ZGRF1: variants seen among roughly 807,000 people sequenced by gnomAD.
ZGRF1 encodes the protein 5'-3' DNA helicase ZGRF1.
In ZGRF1, 196 loss-of-function variants were observed where a neutral mutation model predicts 203.5. The observed-to-expected ratio is 0.96, with a 90% confidence interval of 0.86 to 1.08. The LOEUF is 1.08. Ranked by LOEUF, ZGRF1 falls within the 50% of genes least tolerant of loss-of-function variation. The pLI is 0.00. For missense variants in ZGRF1, 2,326 were observed against 2,416.3 expected (o/e 0.96, Z 0.78); for synonymous variants, 809 against 841.3 (o/e 0.96, Z 0.66).
intron 17 of ZGRF1, 29 bp from the exon 18 acceptor site, chr4:112,562,514 T>C: frequency 1.5e-6 from 2 of 1,332,330 alleles, no homozygotes; most frequent in Non-Finnish European, 2.1e-6. Flanking sequence ...AAATAAACAT[T>C]TGATGTAAAT....
At chr4:112,595,103 C>G (rs748898704) in intron 10 of ZGRF1, among the ~76,000 whole-genome samples, 1 of 151,930 alleles carries the variant, frequency 6.6e-6, no homozygotes, top group East Asian at 2.0e-4. Flanking sequence ...TCTTATGACT[C>G]ACATTTTTTT....
chr4:112,575,441 G>A (rs949840777), intron 16 of ZGRF1, among the ~76,000 whole-genome samples: 1 of 152,120 alleles, frequency 6.6e-6, no homozygotes, highest in Admixed American at 6.5e-5. Context: ...AGGACAGTGG[G>A]TGCAGTGCAC....
At chr4:112,603,046 C>T (rs1318808483) in intron 10 of ZGRF1, among the ~76,000 whole-genome samples, 1 of 151,636 alleles carries the variant, frequency 6.6e-6, no homozygotes, top group Admixed American at 6.6e-5. Flanking sequence ...ATGTATTATG[C>T]TTTGACAAAA....
At chr4:112,570,875 C>G (rs1312057627) in intron 16 of ZGRF1, among the ~76,000 whole-genome samples, 1 of 152,118 alleles carries the variant, frequency 6.6e-6, no homozygotes, top group East Asian at 1.9e-4. Context: ...AGCCCAGGCA[C>G]GCAGATCACT....
intron 2 of ZGRF1, among the ~76,000 whole-genome samples, chr4:112,632,496 T>C (rs1021340836): frequency 6.6e-6 from 1 of 152,210 alleles, no homozygotes; most frequent in African/African-American, 2.4e-5. Flanking sequence ...CATGATGCTG[T>C]CTTTTCATCC....
chr4:112,549,428 A>G (rs1337770995), intron 22 of ZGRF1, among the ~76,000 whole-genome samples: 1 of 152,236 alleles, frequency 6.6e-6, no homozygotes, highest in Non-Finnish European at 1.5e-5. Context: ...GTATAAACAC[A>G]AACACATACA....
At chr4:112,628,792 G>T (rs768590077) in intron 3 of ZGRF1, 1 of 440,302 alleles carries the variant, frequency 2.3e-6, no homozygotes, top group East Asian at 7.0e-5. Context: ...CAACACAAAG[G>T]ATATGCAGAA....
At chr4:112,626,791 TTTA>T (rs771071521) in intron 3 of ZGRF1, among the ~76,000 whole-genome samples, 5 of 151,992 alleles carry the variant, frequency 3.3e-5, no homozygotes, top group Non-Finnish European at 5.9e-5. Context: ...TTCAAATTTA[TTTA>T]TTTATTTATT....
intron 10 of ZGRF1, among the ~76,000 whole-genome samples, chr4:112,602,159 C>T (rs1039033252): frequency 1.6e-4 from 24 of 151,928 alleles, no homozygotes; most frequent in African/African-American, 5.1e-4. Flanking sequence ...GCCAAGATCA[C>T]GCCATTGCAC....
intron 4 of ZGRF1, among the ~76,000 whole-genome samples, chr4:112,622,655 T>G (rs527892568): frequency 9.2e-5 from 14 of 151,970 alleles, no homozygotes; most frequent in East Asian, 1.9e-4. Context: ...AAGTTAGACA[T>G]AGAGAGTTTA....
intron 6 of ZGRF1, among the ~76,000 whole-genome samples, chr4:112,615,027 T>C (rs1367510247): frequency 6.6e-6 from 1 of 152,108 alleles, no homozygotes; most frequent in African/African-American, 2.4e-5. Context: ...GAAACATACA[T>C]AAAACAAGGT....
chr4:112,543,734 T>C (rs2148816783), intron 24 of ZGRF1, among the ~76,000 whole-genome samples: 1 of 152,320 alleles, frequency 6.6e-6, no homozygotes, highest in East Asian at 1.9e-4. Context: ...AACGAATGGT[T>C]GGGGGACAGG....
At chr4:112,623,906 G>C (rs756862557) in intron 3 of ZGRF1, 30 bp from the exon 4 acceptor site, 1 of 1,174,604 alleles carries the variant, frequency 8.5e-7, no homozygotes, top group Non-Finnish European at 1.3e-6. Flanking sequence ...ATGTTAAAAA[G>C]GAACAACACA....
chr4:112,544,865 G>A (rs763886823), intron 24 of ZGRF1, among the ~76,000 whole-genome samples: 1 of 152,118 alleles, frequency 6.6e-6, no homozygotes, highest in Admixed American at 6.5e-5. Flanking sequence ...TTTTGATGAG[G>A]GTTCCAAGAC....
At chr4:112,631,239 C>A (rs919776502) in intron 3 of ZGRF1, among the ~76,000 whole-genome samples, 2 of 152,148 alleles carry the variant, frequency 1.3e-5, no homozygotes, top group African/African-American at 4.8e-5. Context: ...AGGCTTCAAG[C>A]AATCTTCCTG....
intron 10 of ZGRF1, among the ~76,000 whole-genome samples, chr4:112,593,466 T>A (rs564587462): frequency 4.6e-5 from 7 of 152,232 alleles, no homozygotes; most frequent in African/African-American, 7.2e-5. Flanking sequence ...ATCATGTCAC[T>A]TCATGCTGCA....
intron 22 of ZGRF1, among the ~76,000 whole-genome samples, chr4:112,551,481 C>T (rs2171280): frequency 0.68 from 102,843 of 152,082 alleles, 35,247 homozygotes; most frequent in East Asian, 0.95. Flanking sequence ...AAATTAAATA[C>T]TGCCTCCACA....
chr4:112,576,275 T>C (rs1182495901), intron 16 of ZGRF1, among the ~76,000 whole-genome samples: 1 of 152,192 alleles, frequency 6.6e-6, no homozygotes, highest in Non-Finnish European at 1.5e-5. Flanking sequence ...AAACCCCATC[T>C]GTACGTCACC....
chr4:112,602,978 G>C (rs939586117), intron 10 of ZGRF1, among the ~76,000 whole-genome samples: 1 of 152,048 alleles, frequency 6.6e-6, no homozygotes, highest in Non-Finnish European at 1.5e-5. Context: ...AGTATGCTTT[G>C]TGATGATTTA....
Sources: gnomAD v4.1 joint callset for allele counts (sites outside exome capture counted in the v4.1 genomes callset) on GRCh38, gnomAD v4.1.1 for gene constraint, MANE v1.5 for transcripts, NCBI Gene and HGNC (gene_info 2026-07-23, HGNC 2026-07-21) for gene names.